C1R: variants seen among roughly 807,000 people sequenced by gnomAD.
C1R encodes complement C1r subcomponent.
In C1R, 15 loss-of-function variants were observed where a neutral mutation model predicts 27.6. The ratio of observed to expected loss-of-function variants is 0.54; its 90% CI spans 0.36 to 0.84. The LOEUF (loss-of-function observed/expected upper bound fraction) is 0.84. Ranked by LOEUF, C1R falls within the 40% of genes least tolerant of loss-of-function variation. The pLI is 0.01. For missense variants in C1R, 544 were observed against 577.9 expected, an observed-to-expected ratio of 0.94 and a Z score of 0.60; for synonymous variants, 253 against 228.8, an observed-to-expected ratio of 1.11 and a Z score of -0.95.
rs548220935 is a variant in C1R, at chr12:7,088,336, A to G, written c.1038+274T>C. On this transcript the variant is annotated intron_variant, in intron 7 of 10. Coordinates refer to ENST00000647956, the MANE Select transcript of C1R (RefSeq NM_001733.7). ...CTTCAGTATTTATTTGCTTATTTTTATTTTTCAGAGACAGAGTCTTGCTAT... is the reference window on the plus strand; with the variant it reads ...CTTCAGTATTTATTTGCTTATTTTTGTTTTTCAGAGACAGAGTCTTGCTAT... The G allele has an allele frequency of 3.7e-3, 2,437 of 652,146 alleles. 8 individuals are homozygous for G. Among genetic ancestry groups the G allele is most frequent in the Non-Finnish European group, 5.2e-3 (1,901 of 362,648 alleles). The allele number at this position is 652,146 out of a possible 1,614,324, so 40.4% of individuals were successfully genotyped here.
At position 7,091,661 on chromosome 12, in the gene C1R, C is replaced by T. The variant is rs1212282566; in HGVS notation, c.22G>A (p.Val8Met). MWLLYLL[V>M]PALFCRAGGS... Reference sequence around the variant, plus strand: ...CCTGCCCTGCAGAACAGGGCCGGCACCAGGAGGTACAAGAGCCACCTGCCA... The same window carrying T: ...CCTGCCCTGCAGAACAGGGCCGGCATCAGGAGGTACAAGAGCCACCTGCCA... The change falls in exon 2 of 11, where the codon GTG becomes ATG. Residue 8 changes from valine (V) to methionine (M), a missense_variant. Around this residue, in one of 2 missense-constraint regions of C1R, gnomAD observed 291 missense variants for 209.0 expected, o/e 1.39. Transcript: ENST00000647956. This position sits in a 1 kb window ranked among gnomAD's most constrained non-coding sequence, Gnocchi z 5.1. 2 of 743,532 alleles carry T rather than the reference C, an allele frequency of 2.7e-6. No homozygotes were observed. The highest frequency in any genetic ancestry group is 5.0e-6 in the Non-Finnish European group (2 of 398,852). The allele number at this position is 743,532 out of a possible 1,614,324, so 46.1% of individuals were successfully genotyped here.
chr12:7,082,481 G>T (rs1049737786), intron 9 of C1R, among the ~76,000 whole-genome samples: 3 of 152,010 alleles, frequency 2.0e-5, no homozygotes, highest in Admixed American at 1.3e-4. Context: ...ACAGGTGCCC[G>T]CCACCATGCC....
chr12:7,092,142 G>A (rs1938291638), intron 1 of C1R: 3 of 607,232 alleles, frequency 4.9e-6, no homozygotes, highest in South Asian at 3.9e-5. Flanking sequence ...CCCTCCTCTC[G>A]CTGCTCCCTG....
chr12:7,083,135 G>A (rs1938092967), intron 9 of C1R, among the ~76,000 whole-genome samples: 1 of 152,220 alleles, frequency 6.6e-6, no homozygotes, highest in African/African-American at 2.4e-5. Flanking sequence ...CAACTAGGTT[G>A]AGGGGGAGAA....
At chr12:7,086,631 C>T (rs1938160681) in intron 7 of C1R, 174 bp from the exon 8 acceptor site, 1 of 387,402 alleles carries the variant, frequency 2.6e-6, no homozygotes, top group South Asian at 1.4e-4. Flanking sequence ...TTCCTTCTCC[C>T]CAGCCCATTA....
rs1158193562 is a variant in C1R at position 7,091,475 on chromosome 12, C to T, written c.208G>A (p.Gly70Ser). ...ACCTTGACATAATCATAGAAGCAGC[C>T]TTCAGAAGGCTCCAGGTCAAACTGC... The part of the protein sequence containing the change: ...FQQFDLEPSE[G>S]CFYDYVKISA... The change falls in exon 2 of 11, where the codon GGC (glycine) becomes AGC (serine). Residue 70 changes from glycine (G) to serine (S), a missense_variant. Around this residue, in one of 2 missense-constraint regions of C1R, gnomAD observed 291 missense variants for 209.0 expected, o/e 1.39. Coordinates refer to ENST00000647956, the MANE Select transcript of C1R (RefSeq NM_001733.7). This position sits in a 1 kb window ranked among gnomAD's most constrained non-coding sequence, Gnocchi z 5.1. 6 of 772,940 alleles carry T rather than the reference C, an allele frequency of 7.8e-6. No homozygotes were observed. Among genetic ancestry groups the T allele is most frequent in the Non-Finnish European group, 1.4e-5 (6 of 414,240 alleles). 47.9% of individuals were successfully genotyped at this position (772,940 alleles called of 1,614,324 possible).
chr12:7,090,265 A>G lies in C1R; in HGVS notation c.232-17T>C, dbSNP rs1938243885. The G allele has an allele frequency of 4.2e-6, 3 of 719,548 alleles. No homozygotes were observed. Among genetic ancestry groups the G allele is most frequent in the Non-Finnish European group, 7.8e-6 (3 of 385,090 alleles). 44.6% of individuals were successfully genotyped at this position (719,548 alleles called of 1,614,324 possible). A position where few individuals can be genotyped will look rare whatever the true frequency, so the allele number is the denominator to read the frequency against. On this transcript the variant is annotated splice_polypyrimidine_tract_variant and intron_variant, in intron 2 of 10. Coordinates refer to ENST00000647956, the MANE Select transcript of C1R (RefSeq NM_001733.7). Reference sequence around the variant, plus strand: ...AGCAGAGATCTGGTGGAAGAAGGACAGGGGGTAGGAAGAAGATCTGTTGCG... The same window carrying G: ...AGCAGAGATCTGGTGGAAGAAGGACGGGGGGTAGGAAGAAGATCTGTTGCG...
In C1R at chr12:7,089,410, G is replaced by A. The variant is rs1009481107; in HGVS notation, c.651C>T (p.Asp217=). Reference sequence around the variant, plus strand: ...CCCGGATGCTGTAGTTGCAGCGCAGGTCAGGGGGGTAGGACCGAGGGTACT... The same window carrying A: ...CCCGGATGCTGTAGTTGCAGCGCAGATCAGGGGGGTAGGACCGAGGGTACT... ...SLEYPRSYPP[D]LRCNYSIRVE... Residue 217 remains aspartate (D), a synonymous_variant, in exon 5 of 11, where the codon GAC becomes GAT. Coordinates refer to ENST00000647956, the MANE Select transcript of C1R (RefSeq NM_001733.7). 5.1e-6 allele frequency: 4 copies of A among 780,514 alleles called. No homozygotes were observed. In the African/African-American group the frequency reaches 6.8e-5, roughly 13 times the overall value. The allele number at this position is 780,514 out of a possible 1,614,324, so 48.3% of individuals were successfully genotyped here. A position where few individuals can be genotyped will look rare whatever the true frequency, so the allele number is the denominator to read the frequency against.
At position 7,081,213 on chromosome 12, in the gene C1R, C is replaced by T; in HGVS notation, c.1437G>A (p.Val479=). ...CCCCGCGCCCGTGGATGTTGGTGAA[C>T]ACCTGCCAGGGGAAGTTGCCCATCT... ...KAKMGNFPWQ[V]FTNIHGRGGG... Residue 479 remains valine (V), a synonymous_variant, in exon 11 of 11, where the codon GTG becomes GTA. Coordinates refer to ENST00000647956, the MANE Select transcript of C1R (RefSeq NM_001733.7). 1.2e-6 allele frequency: 2 copies of T among 1,613,358 alleles called. No individual in the cohort carries two copies. The highest frequency in any genetic ancestry group is 1.7e-6 in the Non-Finnish European group (2 of 1,179,572).
chr12:7,085,148 TTGG>T (rs1430354374), intron 9 of C1R, among the ~76,000 whole-genome samples: 2 of 129,244 alleles, frequency 1.5e-5, no homozygotes, highest in Non-Finnish European at 3.1e-5. Context: ...GATGATGGTG[TTGG>T]TGGTGATGGT....
rs758746826 is a variant in C1R, at chr12:7,090,158, G to T, written c.322C>A (p.Gln108Lys). ...NPPGKKEFMS[Q>K]GNKMLLTFHT... ...AAGGTCAGCAGCATCTTGTTCCCTTGGGACATAAATTCCTTCTTTCCCGGG... is the reference window on the plus strand; with the variant it reads ...AAGGTCAGCAGCATCTTGTTCCCTTTGGACATAAATTCCTTCTTTCCCGGG... Residue 108 changes from glutamine (Q) to lysine (K), a missense_variant, in exon 3 of 11, where the codon CAA becomes AAA. Physicochemically the swap from Gln to Lys is moderately conservative, Grantham distance 53. This residue lies in a region of C1R where 291 missense variants were observed against 209.0 expected (regional missense o/e 1.39). Coordinates refer to ENST00000647956, the MANE Select transcript of C1R (RefSeq NM_001733.7). The T allele has an allele frequency of 1.3e-6, 1 of 771,818 alleles. No individual in the cohort carries two copies. Among genetic ancestry groups the T allele is most frequent in the Admixed American group, 1.7e-5 (1 of 57,660 alleles). 47.8% of individuals were successfully genotyped at this position (771,818 alleles called of 1,614,324 possible).
rs140231787 is a variant in C1R at position 7,080,706 on chromosome 12, G to A, written c.1944C>T (p.Asp648=). The part of the protein sequence containing the change: ...FCAGHPSLKQ[D]ACQGDSGGVF... ...CGCCCCCACTATCCCCCTGGCAGGC[G>A]TCCTGCTTTAGAGATGGGTGTCCAG... The change falls in exon 11 of 11, where the codon GAC becomes GAT. Residue 648 remains aspartate, a synonymous_variant. Coordinates refer to ENST00000647956, the MANE Select transcript of C1R (RefSeq NM_001733.7). The surrounding 1 kb of genome is among the most constrained non-coding windows in gnomAD (Gnocchi z 4.9). The A allele has an allele frequency of 3.3e-5, 54 of 1,613,956 alleles. No individual in the cohort carries two copies. The highest frequency in any genetic ancestry group is 8.0e-5 in the African/African-American group (6 of 75,014).
chr12:7,088,163 T>C (rs1197774900), intron 7 of C1R, among the ~76,000 whole-genome samples: 1 of 152,138 alleles, frequency 6.6e-6, no homozygotes, highest in Non-Finnish European at 1.5e-5. Context: ...GCCTTTTCAG[T>C]TCCTTCAGCT....
intron 10 of C1R, 148 bp downstream of exon 10, chr12:7,081,884 A>G: frequency 3.3e-6 from 2 of 600,774 alleles, no homozygotes; most frequent in Non-Finnish European, 5.7e-6. Flanking sequence ...GCATTTCGGG[A>G]CTGAATTCAG....
Position 7,091,097 on chromosome 12 carries a change from G to T in C1R, c.231+355C>A, listed in dbSNP as rs1938264639. On this transcript the variant is annotated intron_variant, in intron 2 of 10. Coordinates refer to ENST00000647956, the MANE Select transcript of C1R (RefSeq NM_001733.7). This position sits in a 1 kb window ranked among gnomAD's most constrained non-coding sequence, Gnocchi z 5.1. The stretch of plus-strand genomic sequence containing the variant: ...CTCCTCCTCATGTCCCTGTGTTCCT[G>T]TTGAAGCAGGCAGCCATGTCAATCA... 1 of 299,526 alleles carries T rather than the reference G, an allele frequency of 3.3e-6. No homozygotes were observed. The highest frequency in any genetic ancestry group is 2.3e-5 in the African/African-American group (1 of 43,742). The allele number at this position is 299,526 out of a possible 1,614,324, so 18.6% of individuals were successfully genotyped here.
chr12:7,082,245 G>A, intron 9 of C1R, 139 bp from the exon 10 acceptor site: 1 of 662,164 alleles, frequency 1.5e-6, no homozygotes, highest in Non-Finnish European at 2.8e-6. Context: ...AAGGTCAAAG[G>A]CTCAACTCTA....
Position 7,080,895 on chromosome 12 carries a change from G to A in C1R, c.1755C>T (p.Tyr585=), listed in dbSNP as rs779060240. 6.2e-6 allele frequency: 10 copies of A among 1,613,658 alleles called. No homozygotes were observed. The highest frequency in any genetic ancestry group is 3.3e-5 in the South Asian group (3 of 91,080). Residue 585 remains tyrosine, a synonymous_variant, in exon 11 of 11, where the codon TAC becomes TAT. Transcript: ENST00000647956. This position sits in a 1 kb window ranked among gnomAD's most constrained non-coding sequence, Gnocchi z 4.9. ...PICLPDNDTF[Y]DLGLMGYVSG... Reference sequence around the variant, plus strand: ...TGACATAGCCCATCAAGCCCAGGTCGTAGAAGGTATCGTTGTCAGGGAGGC... The same window carrying A: ...TGACATAGCCCATCAAGCCCAGGTCATAGAAGGTATCGTTGTCAGGGAGGC...
At chr12:7,081,379 C>G in intron 10 of C1R, 78 bp from the exon 11 acceptor site, 1 of 1,333,418 alleles carries the variant, frequency 7.5e-7, no homozygotes, top group Non-Finnish European at 1.1e-6. Flanking sequence ...AGCCAGCTCC[C>G]TGTTTGCCCT....
chr12:7,092,026 G>A (rs899311986), intron 1 of C1R: 11 of 558,462 alleles, frequency 2.0e-5, no homozygotes, highest in Non-Finnish European at 3.6e-5. Flanking sequence ...GTTTCCACCC[G>A]TGGGTCTCTG....
Sources: gnomAD v4.1 joint callset for allele counts (sites outside exome capture counted in the v4.1 genomes callset) on GRCh38, gnomAD v4.1.1 for gene constraint, gnomAD v4.1.1 regional missense constraint, Gnocchi (gnomAD v3.1) non-coding constraint, MANE v1.5 for transcripts, NCBI Gene and HGNC (gene_info 2026-07-23, HGNC 2026-07-21) for gene names.